Variants in MAP4K4 observed in about 807,000 individuals in gnomAD.
The protein encoded by MAP4K4 is mitogen-activated protein kinase kinase kinase kinase 4.
MAP4K4 carries 38 observed loss-of-function variants against 189.6 expected under a neutral mutation model. That is an observed-to-expected ratio of 0.20 (90% CI 0.15 to 0.26). The LOEUF is 0.26. MAP4K4 is among the 10% of genes least tolerant of loss of function. MAP4K4 has a pLI of 1.00. For missense variants in MAP4K4, 1,054 were observed against 1,726.9 expected, an observed-to-expected ratio of 0.61 and a Z score of 6.91; for synonymous variants, 610 against 624.3, an observed-to-expected ratio of 0.98 and a Z score of 0.34.
chr2:101,838,425 CCCTAA>C (rs1261927597), intron 9 of MAP4K4, among the ~76,000 whole-genome samples: 3 of 152,178 alleles, frequency 2.0e-5, no homozygotes, highest in Admixed American at 2.0e-4. Context: ...TCTGAGCTGA[CCCTAA>C]CCTATTTTTC....
chr2:101,824,797 A>G (rs1159921467), intron 4 of MAP4K4, among the ~76,000 whole-genome samples: 3 of 152,214 alleles, frequency 2.0e-5, no homozygotes, highest in African/African-American at 7.2e-5. Flanking sequence ...CTTTAAACAT[A>G]CCATTGTGAT....
intron 24 of MAP4K4, among the ~76,000 whole-genome samples, chr2:101,872,180 G>C (rs1399992131): frequency 2.6e-5 from 4 of 151,332 alleles, no homozygotes; most frequent in African/African-American, 7.3e-5. Context: ...TTCTTGTTTG[G>C]GGGGTGGGTT....
intron 2 of MAP4K4, among the ~76,000 whole-genome samples, chr2:101,759,982 T>A (rs2075464700): frequency 6.6e-6 from 1 of 151,644 alleles, no homozygotes; most frequent in African/African-American, 2.4e-5. Flanking sequence ...TTGCTGGGAA[T>A]ACAGGTGCAC....
intron 2 of MAP4K4, among the ~76,000 whole-genome samples, chr2:101,706,184 T>C (rs1431345022): frequency 6.6e-6 from 1 of 152,174 alleles, no homozygotes; most frequent in Admixed American, 6.5e-5. Context: ...ACATCTGAAA[T>C]TTATTGCTAT....
At chr2:101,757,397 A>G (rs2073443803) in intron 2 of MAP4K4, among the ~76,000 whole-genome samples, 2 of 152,242 alleles carry the variant, frequency 1.3e-5, no homozygotes, top group South Asian at 2.1e-4. Context: ...GGTAAATACT[A>G]TAAGTGAATA....
At chr2:101,858,541 T>C (rs1173823377) in intron 13 of MAP4K4, among the ~76,000 whole-genome samples, 1 of 152,328 alleles carries the variant, frequency 6.6e-6, no homozygotes, top group East Asian at 1.9e-4. Flanking sequence ...TGTTGTATTT[T>C]ATTATTAAGC....
intron 2 of MAP4K4, among the ~76,000 whole-genome samples, chr2:101,776,527 C>T (rs2084218900): frequency 2.0e-5 from 3 of 149,280 alleles, no homozygotes; most frequent in Admixed American, 6.8e-5. Context: ...ATACAGCTTT[C>T]TAATTTTTGG....
intron 11 of MAP4K4, among the ~76,000 whole-genome samples, chr2:101,843,301 A>G (rs1281083502): frequency 6.6e-6 from 1 of 152,168 alleles, no homozygotes; most frequent in African/African-American, 2.4e-5. Context: ...GGGCATCTCA[A>G]GTGACCTGTG....
intron 3 of MAP4K4, among the ~76,000 whole-genome samples, chr2:101,792,597 TCTCCTCCTCCTCCTC>T (rs60472010): frequency 2.1e-5 from 3 of 144,838 alleles, no homozygotes; most frequent in Non-Finnish European, 4.5e-5. Context: ...TTCTCCTCCT[TCTCCTCCTCCTCCTC>T]CTCCTCCTCC....
chr2:101,741,328 T>C (rs1372136732), intron 2 of MAP4K4, among the ~76,000 whole-genome samples: 6 of 151,706 alleles, frequency 4.0e-5, no homozygotes, highest in Admixed American at 2.6e-4. Context: ...CCACCATGCC[T>C]GGCTAATTTT....
rs979215302 is a variant in MAP4K4 at position 101,785,657 on chromosome 2, T to G, written c.124-5063T>G. Reference sequence around the variant, plus strand: ...TTGAGAAGATAGGAACATTGCCATCTTCTTCTTTCTTTCTTTCTCCCTCTC... The same window carrying G: ...TTGAGAAGATAGGAACATTGCCATCGTCTTCTTTCTTTCTTTCTCCCTCTC... On this transcript the variant is annotated intron_variant, in intron 2 of 32. Coordinates refer to ENST00000324219, the Ensembl canonical transcript of MAP4K4. 3.3e-5 allele frequency among the ~76,000 whole-genome samples: 2 copies of G among 59,904 alleles called. 1 individual carries two copies. Among genetic ancestry groups the G allele is most frequent in the Non-Finnish European group, 6.0e-5 (2 of 33,572 alleles). The allele number at this position is 59,904 out of a possible 152,430, so 39.3% of individuals were successfully genotyped here.
At chr2:101,839,885 A>C in exon 10 of MAP4K4, 2 of 1,613,918 alleles carry the variant, frequency 1.2e-6, no homozygotes, top group Non-Finnish European at 1.7e-6. Flanking sequence ...GGCCCTCTAC[A>C]GAGCAGCTTT....
chr2:101,765,064 A>C (rs1410848335), intron 2 of MAP4K4, among the ~76,000 whole-genome samples: 1 of 152,224 alleles, frequency 6.6e-6, no homozygotes, highest in Non-Finnish European at 1.5e-5. Flanking sequence ...ACAAATTAAC[A>C]ACACAAATAA....
intron 3 of MAP4K4, among the ~76,000 whole-genome samples, chr2:101,805,805 C>G (rs1414450748): frequency 1.3e-5 from 2 of 152,158 alleles, no homozygotes; most frequent in African/African-American, 2.4e-5. Flanking sequence ...ACACAGCTTT[C>G]CCAGCTGCTA....
chr2:101,863,869 T>A, exon 17 of MAP4K4: 1 of 1,367,694 alleles, frequency 7.3e-7, no homozygotes, highest in South Asian at 1.1e-5. Context: ...TTCCCCTGTC[T>A]CGCGATCCCA....
intron 2 of MAP4K4, among the ~76,000 whole-genome samples, chr2:101,764,461 T>A (rs2077744193): frequency 6.6e-6 from 1 of 152,222 alleles, no homozygotes; most frequent in Admixed American, 6.5e-5. Flanking sequence ...TCTGCCTACC[T>A]CTTTGAGGTT....
chr2:101,892,944 G>A (rs1370554982), exon 33 of MAP4K4: 1 of 456,300 alleles, frequency 2.2e-6, no homozygotes, highest in Non-Finnish European at 4.4e-6. Flanking sequence ...CTGCATTATG[G>A]CTGCTTTAAC....
chr2:101,726,506 A>G (rs2055457881), intron 2 of MAP4K4, among the ~76,000 whole-genome samples: 1 of 152,190 alleles, frequency 6.6e-6, no homozygotes, highest in South Asian at 2.1e-4. Context: ...GTATCAGCTA[A>G]TATTCATGAA....
In MAP4K4 at chr2:101,817,487, T is replaced by G. The variant is rs550707963; in HGVS notation, c.181-6441T>G. 2.6e-5 allele frequency among the ~76,000 whole-genome samples: 4 copies of G among 152,306 alleles called. No homozygotes were observed. In the South Asian group the frequency reaches 6.2e-4, roughly 24 times the overall value. On this transcript the variant is annotated intron_variant, in intron 3 of 32. Coordinates refer to ENST00000324219, the Ensembl canonical transcript of MAP4K4. ...GAACTATATTCACCATCTGAAGTCC[T>G]CCCCACCCCCATCCATCCAGGTGAA...
Sources: gnomAD v4.1 joint callset for allele counts (sites outside exome capture counted in the v4.1 genomes callset) on GRCh38, gnomAD v4.1.1 for gene constraint, MANE v1.5 for transcripts, NCBI Gene and HGNC (gene_info 2026-07-23, HGNC 2026-07-21) for gene names.